The following EIF2S2 variants were observed in gnomAD, a reference collection of about 807,000 sequenced individuals.
EIF2S2 encodes the protein eukaryotic translation initiation factor 2 subunit beta, also known as eukaryotic translation initiation factor 2 subunit 2.
In EIF2S2, 4 loss-of-function variants were observed where a neutral mutation model predicts 44.0. The observed-to-expected ratio is 0.09, with a 90% CI of 0.04 to 0.21. EIF2S2 has a LOEUF of 0.21. EIF2S2 is among the 10% of genes least tolerant of loss of function. EIF2S2 has a pLI of 1.00. For synonymous variants in EIF2S2, 108 were observed against 128.3 expected, an observed-to-expected ratio of 0.84 and a Z score of 1.07; for missense variants, 154 against 392.0, an observed-to-expected ratio of 0.39 and a Z score of 5.13.
At position 34,088,892 on chromosome 20, in the gene EIF2S2, AAAGC is replaced by A. The variant is rs1294970722; in HGVS notation, c.*834_*837del. 6.6e-6 allele frequency: 1 copy of A among 152,356 alleles called. No homozygotes were observed. The highest frequency in any genetic ancestry group is 1.5e-5 in the Non-Finnish European group (1 of 68,032). 9.4% of individuals were successfully genotyped at this position (152,356 alleles called of 1,614,324 possible). ...GAACACAAGTTGGCTAGGAAAACGG[AAAGC>A]TTCCTCTGGCATCCCTGTTTGGACT... On this transcript the variant is annotated 3_prime_UTR_variant, in exon 9 of 9. Coordinates refer to ENST00000374980, the MANE Select transcript of EIF2S2 (RefSeq NM_003908.5).
Position 34,105,474 on chromosome 20 carries a change from C to A in EIF2S2, c.87G>T (p.Gly29=), listed in dbSNP as rs2034338478. 1.4e-5 allele frequency: 23 copies of A among 1,613,898 alleles called. No individual in the cohort carries two copies. The highest frequency in any genetic ancestry group is 1.7e-5 in the Non-Finnish European group (20 of 1,179,942). ...KKKPFMLDEE[G]DTQTEETQPS... is the part of the protein sequence containing the mutation. Reference sequence around the variant, plus strand: ...GCTGGGTTTCCTCTGTTTGGGTATCCCCTTCCTCATCTAACATAAAAGGCT... The same window carrying A: ...GCTGGGTTTCCTCTGTTTGGGTATCACCTTCCTCATCTAACATAAAAGGCT... Residue 29 remains glycine, a synonymous_variant, in exon 2 of 9, where the codon GGG becomes GGT. Coordinates refer to ENST00000374980, the MANE Select transcript of EIF2S2 (RefSeq NM_003908.5).
rs1469796088 is a variant in EIF2S2 at position 34,097,507 on chromosome 20, T to A, written c.443A>T (p.Asp148Val). The change falls in exon 5 of 9, where the codon GAT becomes GTT. Residue 148 changes from aspartate (D) to valine (V), a missense_variant. Around this residue, in one of 2 missense-constraint regions of EIF2S2, gnomAD observed 134 missense variants for 225.0 expected, o/e 0.60. Coordinates refer to ENST00000374980, the MANE Select transcript of EIF2S2 (RefSeq NM_003908.5). ...ACCATCATCTTTTTTGTTGTCTTCA[T>A]CTTCTAGAGCTACAGATAAAAAAGA... The part of the protein sequence containing the change: ...EILEKDEALE[D>V]EDNKKDDGIS... 1 of 1,612,918 alleles carries A rather than the reference T, an allele frequency of 6.2e-7. No individual in the cohort carries two copies. The highest frequency in any genetic ancestry group is 1.1e-5 in the South Asian group (1 of 91,086).
rs1485618419 is a variant in EIF2S2, at chr20:34,112,024, G to A, written c.15+72C>T. 3.8e-6 allele frequency: 5 copies of A among 1,332,188 alleles called. No individual in the cohort carries two copies. In the South Asian group the frequency reaches 5.7e-5, roughly 15 times the overall value. 82.5% of individuals were successfully genotyped at this position (1,332,188 alleles called of 1,614,324 possible). ...CGGCCGGCTGCTAGGCCGCAGGCCCGTTCTCCCACACTGGAGTGGGTTAGG... is the reference window on the plus strand; with the variant it reads ...CGGCCGGCTGCTAGGCCGCAGGCCCATTCTCCCACACTGGAGTGGGTTAGG... On this transcript the variant is annotated intron_variant, in intron 1 of 8. Coordinates refer to ENST00000374980, the MANE Select transcript of EIF2S2 (RefSeq NM_003908.5).
In EIF2S2 at chr20:34,093,592, C is replaced by T. The variant is rs925630267; in HGVS notation, c.740+83G>A. 4 of 1,219,522 alleles carry T rather than the reference C, an allele frequency of 3.3e-6. No homozygotes were observed. The African/African-American group carries it at 6.2e-5, about 19-fold the overall frequency. The allele number at this position is 1,219,522 out of a possible 1,614,324, so 75.5% of individuals were successfully genotyped here. On this transcript the variant is annotated intron_variant, in intron 7 of 8. Transcript: ENST00000374980. ...TCTAATAATCAGGTGAACATTTTCT[C>T]TAAGTGTGTTACATATCCTTTTCAA...
chr20:34,109,923 G>A (rs1332623013), intron 1 of EIF2S2, among the ~76,000 whole-genome samples: 3 of 150,338 alleles, frequency 2.0e-5, no homozygotes, highest in East Asian at 1.9e-4. Context: ...GTGAGACCCC[G>A]TCTCTACTAA....
chr20:34,098,852 G>A (rs6142096), intron 3 of EIF2S2, among the ~76,000 whole-genome samples: 64,770 of 151,954 alleles, frequency 0.43, 16,485 homozygotes, highest in South Asian at 0.64. Context: ...AATGACGTGG[G>A]CTGACATTAT....
intron 7 of EIF2S2, among the ~76,000 whole-genome samples, chr20:34,091,085 A>G (rs2034157072): frequency 6.6e-6 from 1 of 152,166 alleles, no homozygotes. Flanking sequence ...GTTTGCGTCT[A>G]ATGATGTACC....
At chr20:34,110,931 A>G (rs2034405290) in intron 1 of EIF2S2, among the ~76,000 whole-genome samples, 3 of 152,238 alleles carry the variant, frequency 2.0e-5, no homozygotes, top group Admixed American at 2.0e-4. Context: ...TCAATCTGGA[A>G]TTCTACTGGT....
Position 34,090,613 on chromosome 20 carries a change from A to T in EIF2S2, c.741-11T>A. On this transcript the variant is annotated splice_polypyrimidine_tract_variant and intron_variant, in intron 7 of 8. Transcript: ENST00000374980. ...CCATCTATAGAACCACTATGAAAGA[A>T]AACAAAAATATCTCCATTATTATTG... 6.9e-7 allele frequency: 1 copy of T among 1,445,858 alleles called. No homozygotes were observed. The highest frequency in any genetic ancestry group is 9.4e-7 in the Non-Finnish European group (1 of 1,068,998). The allele number at this position is 1,445,858 out of a possible 1,614,324, so 89.6% of individuals were successfully genotyped here.
chr20:34,104,522 C>T (rs1289076297), intron 2 of EIF2S2, among the ~76,000 whole-genome samples: 3 of 152,174 alleles, frequency 2.0e-5, no homozygotes, highest in Non-Finnish European at 4.4e-5. Context: ...TACTGTCTAG[C>T]TCAACATTTT....
intron 3 of EIF2S2, among the ~76,000 whole-genome samples, chr20:34,101,973 T>G (rs1212820622): frequency 6.6e-6 from 1 of 152,104 alleles, no homozygotes; most frequent in Non-Finnish European, 1.5e-5. Flanking sequence ...GCACGTCCAG[T>G]CTGCAAAAAG....
chr20:34,111,558 T>C (rs181257797), intron 1 of EIF2S2, among the ~76,000 whole-genome samples: 297 of 152,276 alleles, frequency 2.0e-3, no homozygotes, highest in Non-Finnish European at 3.3e-3. Context: ...GCAGAATCTT[T>C]TTCTCTCGTT....
intron 3 of EIF2S2, 41 bp downstream of exon 3, chr20:34,103,421 C>T (rs2034315453): frequency 6.6e-7 from 1 of 1,506,914 alleles, no homozygotes; most frequent in African/African-American, 1.4e-5. Flanking sequence ...AGCAACCTTG[C>T]AAGAGGTCAA....
intron 7 of EIF2S2, among the ~76,000 whole-genome samples, chr20:34,091,142 T>C (rs1248953121): frequency 2.0e-5 from 3 of 152,198 alleles, no homozygotes; most frequent in Admixed American, 2.0e-4. Flanking sequence ...AACAATCAGA[T>C]TTATAATTGA....
At chr20:34,110,747 G>C (rs1202612212) in intron 1 of EIF2S2, among the ~76,000 whole-genome samples, 3 of 152,134 alleles carry the variant, frequency 2.0e-5, no homozygotes, top group Admixed American at 6.5e-5. Context: ...TCTTGCACAC[G>C]TAAGTACTGT....
chr20:34,103,285 C>T (rs2034313923), intron 3 of EIF2S2, among the ~76,000 whole-genome samples, 177 bp downstream of exon 3: 1 of 152,168 alleles, frequency 6.6e-6, no homozygotes, highest in South Asian at 2.1e-4. Flanking sequence ...CCTTGAACCA[C>T]AATCCCTTTA....
chr20:34,096,111 T>A (rs986753615), intron 6 of EIF2S2, among the ~76,000 whole-genome samples: 4 of 152,160 alleles, frequency 2.6e-5, no homozygotes, highest in African/African-American at 9.7e-5. Context: ...GAGCAACTGA[T>A]GAGCCTTTCC....
At chr20:34,090,677 T>G in intron 7 of EIF2S2, 75 bp from the exon 8 acceptor site, 1 of 811,048 alleles carries the variant, frequency 1.2e-6, no homozygotes, top group Middle Eastern at 2.3e-4. Flanking sequence ...ACCTTTAAAC[T>G]TAATGAACTT....
intron 1 of EIF2S2, among the ~76,000 whole-genome samples, chr20:34,109,922 C>T (rs2034392768): frequency 6.6e-6 from 1 of 150,636 alleles, no homozygotes; most frequent in Non-Finnish European, 1.5e-5. Flanking sequence ...AGTGAGACCC[C>T]GTCTCTACTA....
Sources: gnomAD v4.1 joint callset for allele counts (sites outside exome capture counted in the v4.1 genomes callset) on GRCh38, gnomAD v4.1.1 for gene constraint, gnomAD v4.1.1 regional missense constraint, MANE v1.5 for transcripts, NCBI Gene and HGNC (gene_info 2026-07-23, HGNC 2026-07-21) for gene names.